Variants in BIN1 observed in about 807,000 individuals in gnomAD.
The protein encoded by BIN1 is bridging integrator 1.
In BIN1, 53 loss-of-function variants were observed where a neutral mutation model predicts 82.0. That is an observed-to-expected ratio of 0.65 (90% confidence interval 0.52 to 0.81). The LOEUF (loss-of-function observed/expected upper bound fraction) is 0.81. BIN1 is among the 40% of genes least tolerant of loss of function. The pLI is 0.00. For missense variants in BIN1, 642 were observed against 784.4 expected, an observed-to-expected ratio of 0.82 and a Z score of 2.17; for synonymous variants, 302 against 328.0, an observed-to-expected ratio of 0.92 and a Z score of 0.86.
intron 18 of BIN1, 152 bp downstream of exon 18, chr2:127,050,269 C>T (rs916070568): frequency 7.9e-5 from 59 of 742,552 alleles, no homozygotes; most frequent in Middle Eastern, 3.6e-4. Flanking sequence ...AAAAGCCCGA[C>T]GTGGAGGGCG....
At chr2:127,087,825 G>A (rs891285410) in intron 1 of BIN1, among the ~76,000 whole-genome samples, 1 of 152,082 alleles carries the variant, frequency 6.6e-6, no homozygotes, top group African/African-American at 2.4e-5. Flanking sequence ...CAACCAGGAG[G>A]GCTGGAGGAC....
intron 1 of BIN1, among the ~76,000 whole-genome samples, chr2:127,098,630 G>C (rs964491976): frequency 6.6e-6 from 1 of 151,380 alleles, no homozygotes; most frequent in Non-Finnish European, 1.5e-5. Context: ...AGGTCACAAC[G>C]GGGGCCGAAG....
chr2:127,050,379 C>T (rs1682752967), intron 18 of BIN1, 42 bp downstream of exon 18: 7 of 1,608,188 alleles, frequency 4.4e-6, no homozygotes, highest in Non-Finnish European at 6.0e-6. Context: ...GCCAGGATGC[C>T]TGTGGTCCCC....
At position 127,082,487 on chromosome 2, in the gene BIN1, C is replaced by T. The variant is rs911755000; in HGVS notation, c.85-5781G>A. Among the ~76,000 whole-genome samples, 3 of 151,760 alleles carry T rather than the reference C, an allele frequency of 2.0e-5. No homozygotes were observed. The highest frequency in any genetic ancestry group is 2.9e-5 in the Non-Finnish European group (2 of 67,920). On this transcript the variant is annotated intron_variant, in intron 1 of 18. Coordinates refer to ENST00000316724, the MANE Select transcript of BIN1 (RefSeq NM_139343.3). This position sits in a 1 kb window ranked among gnomAD's most constrained non-coding sequence, Gnocchi z 6.1. Reference sequence around the variant, plus strand: ...GTTGGCGTGGGCAGGCCATGGTGGGCGCCCAGGCAGGGGAAGGGGTACAAG... The same window carrying T: ...GTTGGCGTGGGCAGGCCATGGTGGGTGCCCAGGCAGGGGAAGGGGTACAAG...
Position 127,101,158 on chromosome 2 carries a change from T to C in BIN1, c.84+5702A>G, listed in dbSNP as rs565447110. ...GCAGCCCCTCCTGCCTCCCCCATCC[T>C]CCATCCTGGACAGGTACCCCTGCCC... On this transcript the variant is annotated intron_variant, in intron 1 of 18. Transcript: ENST00000316724. 7.7e-4 allele frequency among the ~76,000 whole-genome samples: 117 copies of C among 152,060 alleles called. 1 individual carries two copies. Among genetic ancestry groups the C allele is most frequent in the Non-Finnish European group, 1.5e-3 (105 of 67,958 alleles).
chr2:127,066,267 G>T (rs985209530), intron 7 of BIN1, among the ~76,000 whole-genome samples: 6 of 152,198 alleles, frequency 3.9e-5, no homozygotes, highest in Non-Finnish European at 5.9e-5. Flanking sequence ...AAATAAAGAT[G>T]GGACCCAAAT....
Position 127,068,275 on chromosome 2 carries a change from G to C in BIN1, c.520-20C>G, listed in dbSNP as rs1327592761. 6.3e-7 allele frequency: 1 copy of C among 1,599,796 alleles called. No individual in the cohort carries two copies. The highest frequency in any genetic ancestry group is 1.1e-5 in the South Asian group (1 of 90,546). On this transcript the variant is annotated intron_variant, in intron 6 of 18. Transcript: ENST00000316724. This position sits in a 1 kb window ranked among gnomAD's most constrained non-coding sequence, Gnocchi z 4.9. ...GACAGGCTGGGGTGGGGAGGTCAAG[G>C]CAAAGGAAGGTGGAGAGACCAGGGA...
rs371083811 is a variant in BIN1, at chr2:127,089,013, C to G, written c.85-12307G>C. Among the ~76,000 whole-genome samples, 4 of 152,184 alleles carry G rather than the reference C, an allele frequency of 2.6e-5. No homozygotes were observed. In the South Asian group the frequency reaches 8.3e-4, roughly 32 times the overall value. On this transcript the variant is annotated intron_variant, in intron 1 of 18. Coordinates refer to ENST00000316724, the MANE Select transcript of BIN1 (RefSeq NM_139343.3). ...GGGAGGACCAGGAGGCCCTGAAACA[C>G]CAGGTGCCAGGCTTCATGCTGAGCC...
At chr2:127,073,700 C>A (rs190063471) in intron 2 of BIN1, among the ~76,000 whole-genome samples, 153 of 152,278 alleles carry the variant, frequency 1.0e-3, no homozygotes, top group Admixed American at 3.3e-3. Context: ...TTGAGCAAAA[C>A]CTTGGGTGGG....
At position 127,057,490 on chromosome 2, in the gene BIN1, C is replaced by T. The variant is rs749198133; in HGVS notation, c.1114G>A (p.Val372Met). ...FEDTFVPEIS[V>M]TTPSQFEAPG... Reference sequence around the variant, plus strand: ...CGGCTGACCTGGGAGGGGGTGGTCACGCTGATCTCAGGGACAAACGTGTCC... The same window carrying T: ...CGGCTGACCTGGGAGGGGGTGGTCATGCTGATCTCAGGGACAAACGTGTCC... Residue 372 changes from valine to methionine, a missense_variant, in exon 12 of 19, where the codon GTG (valine) becomes ATG (methionine). Physicochemically the swap from Val to Met is conservative, Grantham distance 21. Coordinates refer to ENST00000316724, the MANE Select transcript of BIN1 (RefSeq NM_139343.3). The surrounding 1 kb of genome is among the most constrained non-coding windows in gnomAD (Gnocchi z 5.0). The T allele has an allele frequency of 2.1e-5, 33 of 1,546,764 alleles. No homozygotes were observed. Among genetic ancestry groups the T allele is most frequent in the South Asian group, 1.3e-4 (11 of 83,332 alleles).
chr2:127,079,106 G>A (rs980281643), intron 1 of BIN1, among the ~76,000 whole-genome samples: 1 of 152,232 alleles, frequency 6.6e-6, no homozygotes, highest in African/African-American at 2.4e-5. Flanking sequence ...GGGCTCCTGA[G>A]GTGTACAGAG....
At chr2:127,086,665 G>A (rs984601472) in intron 1 of BIN1, among the ~76,000 whole-genome samples, 7 of 152,036 alleles carry the variant, frequency 4.6e-5, no homozygotes, top group Middle Eastern at 3.4e-3. Context: ...ACGTCACCAC[G>A]CCTGGCTAAT....
intron 14 of BIN1, 95 bp from the exon 15 acceptor site, chr2:127,052,457 C>CA: frequency 8.0e-7 from 1 of 1,256,690 alleles, no homozygotes; most frequent in Non-Finnish European, 1.1e-6. Flanking sequence ...AAAATGTCAC[C>CA]AGCGGCTGGG....
chr2:127,086,364 A>G (rs949537743), intron 1 of BIN1, among the ~76,000 whole-genome samples: 1 of 152,230 alleles, frequency 6.6e-6, no homozygotes, highest in African/African-American at 2.4e-5. Flanking sequence ...CTGGTAAAGA[A>G]AACACTTTTG....
chr2:127,071,094 G>A (rs913818719), intron 2 of BIN1, among the ~76,000 whole-genome samples: 6 of 152,126 alleles, frequency 3.9e-5, no homozygotes, highest in African/African-American at 7.2e-5. Flanking sequence ...ACCCCCCTCC[G>A]AGATGACGTG....
At chr2:127,062,027 C>G (rs1684561009) in intron 10 of BIN1, 88 bp downstream of exon 10, 13 of 1,475,674 alleles carry the variant, frequency 8.8e-6, no homozygotes, top group Non-Finnish European at 9.2e-7. Context: ...CCATGGGGGA[C>G]CAGGGAGGGC....
intron 9 of BIN1, among the ~76,000 whole-genome samples, chr2:127,062,658 C>T (rs1162529311): frequency 6.6e-6 from 1 of 152,186 alleles, no homozygotes; most frequent in African/African-American, 2.4e-5. Context: ...GAGAATATTC[C>T]TCTCTTTGAT....
chr2:127,061,927 G>A (rs1684545026), intron 10 of BIN1, among the ~76,000 whole-genome samples, 188 bp downstream of exon 10: 1 of 152,182 alleles, frequency 6.6e-6, no homozygotes, highest in Admixed American at 6.5e-5. Context: ...CAGAGGGGCA[G>A]GGACATTCGA....
intron 1 of BIN1, among the ~76,000 whole-genome samples, chr2:127,101,794 A>C (rs540563817): frequency 7.9e-5 from 12 of 152,262 alleles, no homozygotes; most frequent in African/African-American, 2.9e-4. Context: ...CCACCCCTGT[A>C]CACTGCACCC....
Sources: allele counts gnomAD v4.1 joint callset (sites outside exome capture counted in the v4.1 genomes callset), GRCh38; gene constraint gnomAD v4.1.1; non-coding constraint Gnocchi (gnomAD v3.1); transcripts MANE v1.5; gene names NCBI Gene and HGNC (gene_info 2026-07-23, HGNC 2026-07-21).